The following MIOS variants were observed in gnomAD, a reference collection of about 807,000 sequenced individuals.
MIOS encodes the protein meiosis regulator for oocyte development.
Under a neutral mutation model 96.9 loss-of-function variants are expected in MIOS, and 52 were observed. The ratio of observed to expected loss-of-function variants is 0.54; its 90% CI spans 0.43 to 0.68. The LOEUF (loss-of-function observed/expected upper bound fraction) is 0.68, where lower values mean the gene tolerates loss of function less well. MIOS is among the 30% of genes least tolerant of loss of function. The pLI is 0.00. For synonymous variants in MIOS, 397 were observed against 359.5 expected, an observed-to-expected ratio of 1.10 and a Z score of -1.18; for missense variants, 1,005 against 1,052.8, an observed-to-expected ratio of 0.95 and a Z score of 0.63.
intron 3 of MIOS, among the ~76,000 whole-genome samples, chr7:7,570,565 T>C (rs1042666305): frequency 6.6e-6 from 1 of 152,046 alleles, no homozygotes; most frequent in South Asian, 2.1e-4. Context: ...GAAATAATTA[T>C]ACAACTCACC....
At chr7:7,603,663 A>G (rs1233335675) in intron 11 of MIOS, among the ~76,000 whole-genome samples, 1 of 152,224 alleles carries the variant, frequency 6.6e-6, no homozygotes. Flanking sequence ...GCGATTCCTC[A>G]GGGATCTAGA....
At chr7:7,568,449 G>T (rs139532257) in intron 3 of MIOS, among the ~76,000 whole-genome samples, 1 of 152,114 alleles carries the variant, frequency 6.6e-6, no homozygotes, top group Non-Finnish European at 1.5e-5. Context: ...ATGTTCATGA[G>T]CAAGGAACTG....
intron 11 of MIOS, among the ~76,000 whole-genome samples, chr7:7,599,114 C>T (rs1784297453): frequency 6.6e-6 from 1 of 151,962 alleles, no homozygotes; most frequent in Admixed American, 6.6e-5. Context: ...TCTACAATGC[C>T]TTATCTGTCA....
intron 10 of MIOS, among the ~76,000 whole-genome samples, chr7:7,595,578 G>A (rs1015312780): frequency 9.9e-5 from 15 of 152,014 alleles, no homozygotes; most frequent in African/African-American, 3.4e-4. Context: ...GTCACATAAG[G>A]TATACCACAT....
intron 11 of MIOS, 140 bp downstream of exon 11, chr7:7,596,601 T>A (rs1784210079): frequency 1.3e-6 from 1 of 759,604 alleles, no homozygotes; most frequent in Admixed American, 2.9e-5. Flanking sequence ...GGCTTTTATG[T>A]TCCTATAATT....
In MIOS at chr7:7,606,078, A is replaced by C. The variant is rs748507343; in HGVS notation, c.2531+7A>C. ...ATATGCTTAGTTGGTTCAGGTAATC[A>C]GCACATTTCTTCTTTGATAGGCTTG... On this transcript the variant is annotated splice_region_variant and intron_variant, in intron 12 of 12. Coordinates refer to ENST00000340080, the MANE Select transcript of MIOS (RefSeq NM_019005.4). The C allele has an allele frequency of 8.1e-5, 130 of 1,613,256 alleles. No homozygotes were observed. Among genetic ancestry groups the C allele is most frequent in the Non-Finnish European group, 1.1e-4 (127 of 1,179,536 alleles).
intron 5 of MIOS, among the ~76,000 whole-genome samples, chr7:7,574,420 ATCT>A (rs1563016168): frequency 3.9e-5 from 6 of 152,190 alleles, no homozygotes; most frequent in Admixed American, 2.0e-4. Flanking sequence ...AGTGATGTTG[ATCT>A]TCTTAAATCT....
rs759618608 is a variant in MIOS, at chr7:7,573,264, G to A, written c.789G>A (p.Leu263=). ...LRKFEKPVLT[L]TEQPKPLTKV... ...AATTTGAGAAGCCAGTTTTGACATT[G>A]ACTGAGCAACCAAAACCCTTAACAA... The change falls in exon 4 of 13, where the codon TTG becomes TTA. Residue 263 remains leucine (L), a synonymous_variant. Transcript: ENST00000340080. This position sits in a 1 kb window ranked among gnomAD's most constrained non-coding sequence, Gnocchi z 5.0. 1 of 1,614,056 alleles carries A rather than the reference G, an allele frequency of 6.2e-7. No individual in the cohort carries two copies. Among genetic ancestry groups the A allele is most frequent in the Non-Finnish European group, 8.5e-7 (1 of 1,179,978 alleles).
intron 6 of MIOS, among the ~76,000 whole-genome samples, chr7:7,584,846 G>A (rs1188875278): frequency 6.6e-6 from 1 of 152,150 alleles, no homozygotes; most frequent in Non-Finnish European, 1.5e-5. Flanking sequence ...GGCAAAGTTA[G>A]CAGCTTATCA....
Position 7,582,795 on chromosome 7 carries a change from A to C in MIOS, c.1394-323A>C, listed in dbSNP as rs1012076386. The stretch of plus-strand genomic sequence containing the variant: ...AAATGGGAGCACATATTAAGTGCTA[A>C]AGGAAATAGAGGAAACAATGGGTGG... On this transcript the variant is annotated intron_variant, in intron 5 of 12. Coordinates refer to ENST00000340080, the MANE Select transcript of MIOS (RefSeq NM_019005.4). 5 of 273,654 alleles carry C rather than the reference A, an allele frequency of 1.8e-5. No individual in the cohort carries two copies. In the South Asian group the frequency reaches 3.8e-4, roughly 21 times the overall value. The allele number at this position is 273,654 out of a possible 1,614,324, so 17.0% of individuals were successfully genotyped here. A position where few individuals can be genotyped will look rare whatever the true frequency, so the allele number is the denominator to read the frequency against.
Position 7,566,911 on chromosome 7 carries a change from C to G in MIOS, c.-382C>G. ...CTTCCAAGGCCGAGGCGCCGCTGCG[C>G]GTCCTCCAGGCGTGGTGGTGGGGTC... is the stretch of plus-strand genomic sequence containing the variant. On this transcript the variant is annotated 5_prime_UTR_variant, in exon 1 of 13. Transcript: ENST00000340080. 1 of 152,170 alleles carries G rather than the reference C, an allele frequency of 6.6e-6. No homozygotes were observed. Among genetic ancestry groups the G allele is most frequent in the Non-Finnish European group, 1.5e-5 (1 of 68,034 alleles). The allele number at this position is 152,170 out of a possible 1,614,324, so 9.4% of individuals were successfully genotyped here.
Position 7,602,299 on chromosome 7 carries a change from T to C in MIOS, c.2402-3643T>C, listed in dbSNP as rs1383721084. Among the ~76,000 whole-genome samples the C allele has an allele frequency of 2.6e-5, 4 of 152,204 alleles. No homozygotes were observed. In the South Asian group the frequency reaches 6.2e-4, roughly 24 times the overall value. On this transcript the variant is annotated intron_variant, in intron 11 of 12. Transcript: ENST00000340080. ...AAGTCAAATTGTCCCTGTTTGCAGATGACATGATTGTATACCTAGAAATCC... is the reference window on the plus strand; with the variant it reads ...AAGTCAAATTGTCCCTGTTTGCAGACGACATGATTGTATACCTAGAAATCC...
Position 7,605,878 on chromosome 7 carries a change from T to C in MIOS, c.2402-64T>C, listed in dbSNP as rs570515486. ...TGGAACACAGTTTTAGAAATGCTTT[T>C]TGAAAGTAACTTTAAATAAAATATT... On this transcript the variant is annotated intron_variant, in intron 11 of 12. Transcript: ENST00000340080. 5.2e-5 allele frequency: 77 copies of C among 1,470,604 alleles called. 1 individual carries two copies. The Admixed American group carries it at 1.3e-3, about 24-fold the overall frequency. The allele number at this position is 1,470,604 out of a possible 1,614,324, so 91.1% of individuals were successfully genotyped here.
intron 11 of MIOS, among the ~76,000 whole-genome samples, chr7:7,599,413 A>G (rs923314053): frequency 6.6e-6 from 1 of 152,222 alleles, no homozygotes; most frequent in African/African-American, 2.4e-5. Flanking sequence ...TAGGACTATT[A>G]TATAAGGAAA....
rs752771795 is a variant in MIOS at position 7,589,443 on chromosome 7, A to G, written c.1923A>G (p.Lys641=). ...RYIEKLTNEM[K]EAGNLEGILL... is the part of the protein sequence containing the mutation. ...TCGAAAAGTTGACCAATGAAATGAA[A>G]GAGGCTGGAAATTTGGAAGGAATTT... The change falls in exon 9 of 13, where the codon AAA becomes AAG. Residue 641 remains lysine, a synonymous_variant. Coordinates refer to ENST00000340080, the MANE Select transcript of MIOS (RefSeq NM_019005.4). 7 of 1,613,698 alleles carry G rather than the reference A, an allele frequency of 4.3e-6. No homozygotes were observed. The highest frequency in any genetic ancestry group is 5.9e-6 in the Non-Finnish European group (7 of 1,179,728).
rs1473703585 is a variant in MIOS, at chr7:7,573,857, A to G, written c.1294+88A>G. On this transcript the variant is annotated intron_variant, in intron 4 of 12. Transcript: ENST00000340080. The surrounding 1 kb of genome is among the most constrained non-coding windows in gnomAD (Gnocchi z 5.0). ...AAAGGTCAGTCTGTAAATATGCTCA[A>G]TGTTTTATATACAAATACAAGTTAC... 6.6e-6 allele frequency: 8 copies of G among 1,209,296 alleles called. No individual in the cohort carries two copies. Among genetic ancestry groups the G allele is most frequent in the Admixed American group, 4.7e-5 (2 of 42,990 alleles). 74.9% of individuals were successfully genotyped at this position (1,209,296 alleles called of 1,614,324 possible). A position where few individuals can be genotyped will look rare whatever the true frequency, so the allele number is the denominator to read the frequency against.
At chr7:7,586,988 C>CTT (rs71988879) in intron 7 of MIOS, among the ~76,000 whole-genome samples, 86 of 123,024 alleles carry the variant, frequency 7.0e-4, no homozygotes, top group African/African-American at 2.6e-3. Context: ...TTTTCTTTCC[C>CTT]TTTTTTTTTT....
intron 11 of MIOS, among the ~76,000 whole-genome samples, chr7:7,604,906 T>G (rs966126096): frequency 6.6e-6 from 1 of 152,214 alleles, no homozygotes; most frequent in Non-Finnish European, 1.5e-5. Context: ...ATTTTATTTA[T>G]CTCTTCCCCC....
chr7:7,574,037 A>T (rs1192618268), intron 4 of MIOS, 61 bp from the exon 5 acceptor site: 2 of 1,352,774 alleles, frequency 1.5e-6, no homozygotes, highest in African/African-American at 2.9e-5. Flanking sequence ...CCAAATCAAA[A>T]TAAATTTAGC....
Sources: allele counts gnomAD v4.1 joint callset (sites outside exome capture counted in the v4.1 genomes callset), GRCh38; gene constraint gnomAD v4.1.1; non-coding constraint Gnocchi (gnomAD v3.1); transcripts MANE v1.5; gene names NCBI Gene and HGNC (gene_info 2026-07-23, HGNC 2026-07-21).